LRP1B: variants seen among roughly 807,000 people sequenced by gnomAD.
LRP1B encodes LDL receptor related protein 1B.
A neutral mutation model predicts 556.6 loss-of-function variants in LRP1B; 217 were observed. That is an observed-to-expected ratio of 0.39 (90% CI 0.35 to 0.44). The LOEUF (loss-of-function observed/expected upper bound fraction) is 0.44, where lower values mean the gene tolerates loss of function less well. LRP1B is among the 20% of genes least tolerant of loss of function. LRP1B has a pLI of 1.00. For synonymous variants in LRP1B, 2,047 were observed against 1,865.8 expected, an observed-to-expected ratio of 1.10 and a Z score of -2.50; for missense variants, 5,053 against 5,620.8, an observed-to-expected ratio of 0.90 and a Z score of 3.23.
At chr2:141,530,884 G>T (rs1684849568) in intron 2 of LRP1B, among the ~76,000 whole-genome samples, 1 of 150,188 alleles carries the variant, frequency 6.7e-6, no homozygotes, top group African/African-American at 2.5e-5. Flanking sequence ...GAAATAAAGG[G>T]GAGAAAAGTC....
At chr2:141,403,594 G>A (rs1199975609) in intron 3 of LRP1B, among the ~76,000 whole-genome samples, 1 of 152,064 alleles carries the variant, frequency 6.6e-6, no homozygotes. Context: ...GAAACATGGG[G>A]ATAAGCTGAA....
rs576844762 is a variant in LRP1B, at chr2:141,901,871, T to C, written c.83-91470A>G. Among the ~76,000 whole-genome samples, 124 of 151,964 alleles carry C rather than the reference T, an allele frequency of 8.2e-4. 1 individual carries two copies. The highest frequency in any genetic ancestry group is 2.9e-3 in the African/African-American group (121 of 41,518). ...TATTTGAATGATGTCAACTTTTTTC[T>C]ATAGACATGAAAACTAAAAATCTGG... is the stretch of plus-strand genomic sequence containing the variant. On this transcript the variant is annotated intron_variant, in intron 1 of 90. Coordinates refer to ENST00000389484, the MANE Select transcript of LRP1B (RefSeq NM_018557.3).
chr2:142,000,437 A>G (rs1446409592), intron 1 of LRP1B, among the ~76,000 whole-genome samples: 1 of 152,218 alleles, frequency 6.6e-6, no homozygotes, highest in African/African-American at 2.4e-5. Context: ...AACAATAGTG[A>G]AGTGGTGATT....
chr2:140,327,823 C>A (rs1680570612), intron 79 of LRP1B, among the ~76,000 whole-genome samples: 1 of 151,366 alleles, frequency 6.6e-6, no homozygotes, highest in South Asian at 2.1e-4. Context: ...TTGTCTAAGA[C>A]CCACTTTTAT....
rs1681158274 is a variant in LRP1B, at chr2:140,246,315, C to A, written c.13324+771G>T. 2.6e-5 allele frequency among the ~76,000 whole-genome samples: 4 copies of A among 151,338 alleles called. No individual in the cohort carries two copies. The Admixed American group carries it at 2.6e-4, about 10-fold the overall frequency. ...TTTTTTCTTTGCAAGTTTATTTACA[C>A]CCAATAGACAATACAAATTTTTCAA... On this transcript the variant is annotated intron_variant, in intron 87 of 90. Transcript: ENST00000389484.
chr2:140,352,519 T>A (rs1682015162), intron 76 of LRP1B, among the ~76,000 whole-genome samples: 2 of 152,118 alleles, frequency 1.3e-5, no homozygotes, highest in Non-Finnish European at 2.9e-5. Context: ...GTGGAGGACT[T>A]CTAAATTTGA....
At chr2:142,020,479 C>A (rs1703294067) in intron 1 of LRP1B, among the ~76,000 whole-genome samples, 1 of 152,150 alleles carries the variant, frequency 6.6e-6, no homozygotes, top group African/African-American at 2.4e-5. Context: ...AGTATACTAA[C>A]ATGTACAGGC....
chr2:140,596,362 A>G (rs1307968064), intron 43 of LRP1B, among the ~76,000 whole-genome samples: 1 of 152,148 alleles, frequency 6.6e-6, no homozygotes, highest in East Asian at 1.9e-4. Context: ...TAAAGGGGAT[A>G]ATGTGTCACT....
chr2:140,751,658 A>G (rs975348049), intron 35 of LRP1B, among the ~76,000 whole-genome samples: 2 of 152,206 alleles, frequency 1.3e-5, no homozygotes, highest in Non-Finnish European at 2.9e-5. Context: ...ATTATTTGCC[A>G]CATACACCTA....
At chr2:141,790,753 T>C (rs543037475) in intron 2 of LRP1B, among the ~76,000 whole-genome samples, 59 of 152,108 alleles carry the variant, frequency 3.9e-4, no homozygotes, top group African/African-American at 1.4e-3. Context: ...AAAATGATTC[T>C]AGAAATTTTA....
chr2:141,742,054 T>C (rs1693727428), intron 2 of LRP1B, among the ~76,000 whole-genome samples: 1 of 152,188 alleles, frequency 6.6e-6, no homozygotes, highest in African/African-American at 2.4e-5. Flanking sequence ...AGACTGTCCT[T>C]TCCCTAATGT....
chr2:140,574,596 G>C (rs1306832293), intron 43 of LRP1B, among the ~76,000 whole-genome samples: 2 of 152,182 alleles, frequency 1.3e-5, no homozygotes, highest in African/African-American at 4.8e-5. Context: ...ATTCATTTTA[G>C]TTAATTTAAG....
chr2:141,342,828 A>C (rs892294467), intron 3 of LRP1B, among the ~76,000 whole-genome samples: 2 of 152,208 alleles, frequency 1.3e-5, no homozygotes, highest in African/African-American at 2.4e-5. Flanking sequence ...AACTTCCTCA[A>C]CCTAGCAAGA....
In LRP1B at chr2:142,115,737, G is replaced by A. The variant is rs370050738; in HGVS notation, c.82+14911C>T. ...TATGTAATATATATATAATATATAT[G>A]TAATATATATATTATATATATGTAA... On this transcript the variant is annotated intron_variant, in intron 1 of 90. Coordinates refer to ENST00000389484, the MANE Select transcript of LRP1B (RefSeq NM_018557.3). Among the ~76,000 whole-genome samples, 212 of 32,032 alleles carry A rather than the reference G, an allele frequency of 6.6e-3. 84 individuals are homozygous for A. The highest frequency in any genetic ancestry group is 0.012 in the African/African-American group (92 of 7,798). 21.0% of individuals were successfully genotyped at this position (32,032 alleles called of 152,430 possible). A position where few individuals can be genotyped will look rare whatever the true frequency, so the allele number is the denominator to read the frequency against.
intron 41 of LRP1B, among the ~76,000 whole-genome samples, chr2:140,654,065 A>G (rs558109436): frequency 1.3e-5 from 2 of 150,748 alleles, no homozygotes; most frequent in Non-Finnish European, 3.0e-5. Context: ...AGAGAGTTTA[A>G]CTACATTTGG....
At chr2:141,945,765 T>C (rs1272162199) in intron 1 of LRP1B, among the ~76,000 whole-genome samples, 1 of 136,374 alleles carries the variant, frequency 7.3e-6, no homozygotes, top group Non-Finnish European at 1.6e-5. Flanking sequence ...GCACTTCATC[T>C]GTCTCATAAA....
intron 7 of LRP1B, among the ~76,000 whole-genome samples, chr2:141,163,392 A>T (rs1056094392): frequency 6.6e-6 from 1 of 152,110 alleles, no homozygotes; most frequent in Non-Finnish European, 1.5e-5. Flanking sequence ...ATTTTACAGT[A>T]CAAGATGATT....
intron 3 of LRP1B, among the ~76,000 whole-genome samples, chr2:141,315,937 C>A (rs1489800363): frequency 1.1e-5 from 1 of 91,992 alleles, no homozygotes; most frequent in Non-Finnish European, 2.1e-5. Context: ...ACATTAGTAT[C>A]CACAGGCTTT....
chr2:141,313,077 C>A (rs1425629734), intron 3 of LRP1B, among the ~76,000 whole-genome samples: 1 of 152,080 alleles, frequency 6.6e-6, no homozygotes, highest in Non-Finnish European at 1.5e-5. Context: ...CACACATCCT[C>A]CCCACCCCGA....
Sources: allele counts gnomAD v4.1 joint callset (sites outside exome capture counted in the v4.1 genomes callset), GRCh38; gene constraint gnomAD v4.1.1; transcripts MANE v1.5; gene names NCBI Gene and HGNC (gene_info 2026-07-23, HGNC 2026-07-21).